POLN: variants seen among roughly 807,000 people sequenced by gnomAD.
POLN encodes the protein DNA polymerase nu, also known as DNA polymerase N.
A neutral mutation model predicts 113.5 loss-of-function variants in POLN; 108 were observed. That is an observed-to-expected ratio of 0.95 (90% CI 0.81 to 1.12). The LOEUF (loss-of-function observed/expected upper bound fraction) is 1.12, where lower values mean the gene tolerates loss of function less well. Among genes scored for constraint, POLN ranks in the 50% most tolerant of loss-of-function variants. The pLI is 0.00. For synonymous variants in POLN, 386 were observed against 391.5 expected (o/e 0.99, Z 0.17); for missense variants, 1,097 against 1,077.1 (o/e 1.02, Z -0.26).
chr4:2,084,721 G>A (rs983310086), intron 21 of POLN, among the ~76,000 whole-genome samples: 13 of 152,196 alleles, frequency 8.5e-5, no homozygotes, highest in African/African-American at 1.9e-4. Context: ...AGACACTGCC[G>A]GCACCCAGAG....
At position 2,093,389 on chromosome 4, in the gene POLN, G is replaced by T. The variant is rs972168500; in HGVS notation, c.2065+2462C>A. Among the ~76,000 whole-genome samples the T allele has an allele frequency of 3.9e-5, 6 of 152,232 alleles. No individual in the cohort carries two copies. The highest frequency in any genetic ancestry group is 1.4e-4 in the African/African-American group (6 of 41,468). On this transcript the variant is annotated intron_variant, in intron 20 of 25. Transcript: ENST00000511885. This position sits in a 1 kb window ranked among gnomAD's most constrained non-coding sequence, Gnocchi z 4.1. The stretch of plus-strand genomic sequence containing the variant: ...GACTCAGACGTAACGGCAGATGACA[G>T]AGATGAGAGCTGACTGTGTGCCAGG...
intron 19 of POLN, among the ~76,000 whole-genome samples, chr4:2,098,499 A>G (rs1730849443): frequency 6.6e-6 from 1 of 152,240 alleles, no homozygotes; most frequent in Non-Finnish European, 1.5e-5. Flanking sequence ...AATGTATCAT[A>G]GAGGTCTTGG....
intron 2 of POLN, among the ~76,000 whole-genome samples, chr4:2,237,728 A>C (rs1222267166): frequency 6.6e-6 from 1 of 152,218 alleles, no homozygotes; most frequent in African/African-American, 2.4e-5. Flanking sequence ...AAAATTGTAA[A>C]CCATGTAAAA....
At chr4:2,072,394 C>T (rs1730169725) in intron 25 of POLN, 95 bp from the exon 26 acceptor site, 3 of 1,024,058 alleles carry the variant, frequency 2.9e-6, no homozygotes, top group Non-Finnish European at 4.2e-6. Context: ...CTACAGCACA[C>T]AGGTGCACAC....
chr4:2,226,072 A>G (rs1412065100), intron 3 of POLN, among the ~76,000 whole-genome samples: 3 of 152,052 alleles, frequency 2.0e-5, no homozygotes, highest in Non-Finnish European at 4.4e-5. Context: ...TTTTAAAGTC[A>G]CTCAGGGGCC....
At chr4:2,114,916 G>C (rs1015608980) in intron 19 of POLN, among the ~76,000 whole-genome samples, 15 of 151,818 alleles carry the variant, frequency 9.9e-5, no homozygotes, top group African/African-American at 3.4e-4. Flanking sequence ...GGATTCTTTG[G>C]GGGGAGGGCT....
intron 23 of POLN, chr4:2,080,112 G>A (rs1730368902): frequency 1.0e-6 from 1 of 985,456 alleles, no homozygotes; most frequent in Non-Finnish European, 1.2e-6. Context: ...GACACTGTGG[G>A]GGGCTGGGGC....
intron 23 of POLN, chr4:2,079,534 T>C: frequency 7.1e-6 from 7 of 985,576 alleles, no homozygotes; most frequent in Non-Finnish European, 8.4e-6. Flanking sequence ...ACGTGTGTGT[T>C]GGGAATGAAT....
Position 2,093,900 on chromosome 4 carries a change from C to T in POLN, c.2065+1951G>A, listed in dbSNP as rs77074740. Among the ~76,000 whole-genome samples the T allele has an allele frequency of 1.2e-3, 184 of 152,358 alleles. 1 individual carries two copies. The East Asian group carries it at 0.031, about 26-fold the overall frequency. On this transcript the variant is annotated intron_variant, in intron 20 of 25. Transcript: ENST00000511885. This position sits in a 1 kb window ranked among gnomAD's most constrained non-coding sequence, Gnocchi z 4.1. Reference sequence around the variant, plus strand: ...CCACTAATTTGTTCCTGTGTCTTCTCTGTGCCAGGCAGTGAGCTAACGTGA... The same window carrying T: ...CCACTAATTTGTTCCTGTGTCTTCTTTGTGCCAGGCAGTGAGCTAACGTGA...
At chr4:2,106,909 G>T (rs1731079348) in intron 19 of POLN, among the ~76,000 whole-genome samples, 1 of 151,982 alleles carries the variant, frequency 6.6e-6, no homozygotes, top group Non-Finnish European at 1.5e-5. Context: ...AGATTAGTTT[G>T]TCTAGTTACT....
At position 2,088,576 on chromosome 4, in the gene POLN, A is replaced by G. The variant is rs1730599759; in HGVS notation, c.2066-2832T>C. ...TTTAAAAAAAATTCAGTGCAAAAAT[A>G]CGCATTAGCTAATCAACTGATCTAC... On this transcript the variant is annotated intron_variant, in intron 20 of 25. Coordinates refer to ENST00000511885, the MANE Select transcript of POLN (RefSeq NM_181808.4). The G allele has an allele frequency of 1.2e-5, 7 of 585,752 alleles. No individual in the cohort carries two copies. In the South Asian group the frequency reaches 2.2e-4, roughly 19 times the overall value. 36.3% of individuals were successfully genotyped at this position (585,752 alleles called of 1,614,324 possible). A position where few individuals can be genotyped will look rare whatever the true frequency, so the allele number is the denominator to read the frequency against.
intron 5 of POLN, among the ~76,000 whole-genome samples, chr4:2,203,714 A>G (rs1480687785): frequency 6.6e-6 from 1 of 152,172 alleles, no homozygotes; most frequent in Non-Finnish European, 1.5e-5. Context: ...GGAACTAGAG[A>G]AACAAGAACA....
At chr4:2,198,930 T>G (rs1733646699) in intron 5 of POLN, among the ~76,000 whole-genome samples, 1 of 152,044 alleles carries the variant, frequency 6.6e-6, no homozygotes, top group South Asian at 2.1e-4. Flanking sequence ...AATGGAAGTC[T>G]CATCCAGGGC....
At chr4:2,236,093 G>T (rs1374024644) in intron 2 of POLN, 2 of 554,182 alleles carry the variant, frequency 3.6e-6, no homozygotes, top group East Asian at 2.9e-5. Context: ...CAAAAATTAG[G>T]AGATATAGAA....
intron 19 of POLN, among the ~76,000 whole-genome samples, chr4:2,105,783 G>T (rs1278525829): frequency 1.3e-5 from 2 of 151,092 alleles, no homozygotes; most frequent in Non-Finnish European, 2.9e-5. Context: ...CTGTCCAGGA[G>T]CCCACTCTCC....
chr4:2,165,637 G>C (rs892303176), intron 13 of POLN, among the ~76,000 whole-genome samples: 4 of 152,160 alleles, frequency 2.6e-5, no homozygotes, highest in Admixed American at 1.3e-4. Flanking sequence ...TTCACTGACT[G>C]TAACGATGGT....
chr4:2,090,594 T>C, intron 20 of POLN: 1 of 455,720 alleles, frequency 2.2e-6, no homozygotes, highest in East Asian at 5.4e-5. Context: ...AGTCACAGCC[T>C]CGAACATTCC....
intron 19 of POLN, among the ~76,000 whole-genome samples, chr4:2,116,218 G>C (rs141184932): frequency 1.3e-5 from 2 of 152,328 alleles, no homozygotes; most frequent in Non-Finnish European, 2.9e-5. Flanking sequence ...AAATGGATGT[G>C]CTCTGGAGCT....
rs1165483478 is a variant in POLN at position 2,093,566 on chromosome 4, C to T, written c.2065+2285G>A. On this transcript the variant is annotated intron_variant, in intron 20 of 25. Transcript: ENST00000511885. This position sits in a 1 kb window ranked among gnomAD's most constrained non-coding sequence, Gnocchi z 4.1. ...CCAGGACTGGGGAGGTGATGTCCTG[C>T]CGGCAGAGCAGAAGCAAATGTTATG... 6.6e-6 allele frequency among the ~76,000 whole-genome samples: 1 copy of T among 152,176 alleles called. No individual in the cohort carries two copies. Among genetic ancestry groups the T allele is most frequent in the Non-Finnish European group, 1.5e-5 (1 of 68,030 alleles).
Sources: gnomAD v4.1 joint callset for allele counts (sites outside exome capture counted in the v4.1 genomes callset) on GRCh38, gnomAD v4.1.1 for gene constraint, Gnocchi (gnomAD v3.1) non-coding constraint, MANE v1.5 for transcripts, NCBI Gene and HGNC (gene_info 2026-07-23, HGNC 2026-07-21) for gene names.